Variants in ASTN1 observed in about 807,000 individuals in gnomAD.
The protein encoded by ASTN1 is astrotactin 1, also known as astrotactin-1.
In ASTN1, 41 loss-of-function variants were observed where a neutral mutation model predicts 140.7. That is an observed-to-expected ratio of 0.29 (90% CI 0.23 to 0.38). The LOEUF (loss-of-function observed/expected upper bound fraction) is 0.38. Ranked by LOEUF, ASTN1 falls within the 10% of genes least tolerant of loss-of-function variation. ASTN1 has a pLI of 1.00. For synonymous variants in ASTN1, 640 were observed against 652.2 expected (o/e 0.98, Z 0.29); for missense variants, 1,479 against 1,678.8 (o/e 0.88, Z 2.08).
chr1:177,077,156 T>A (rs1448455824), intron 1 of ASTN1, among the ~76,000 whole-genome samples: 1 of 152,092 alleles, frequency 6.6e-6, no homozygotes, highest in African/African-American at 2.4e-5. Flanking sequence ...TCACTTCTGC[T>A]GGGGGTGAAA....
intron 5 of ASTN1, 64 bp downstream of exon 5, chr1:177,029,570 G>T (rs189475004): frequency 2.6e-6 from 4 of 1,519,126 alleles, no homozygotes; most frequent in Non-Finnish European, 3.6e-6. Flanking sequence ...ACACCTCTTC[G>T]CCTTCCCCCG....
At chr1:176,979,927 G>T (rs1175583164) in intron 8 of ASTN1, among the ~76,000 whole-genome samples, 4 of 152,162 alleles carry the variant, frequency 2.6e-5, no homozygotes, top group Non-Finnish European at 5.9e-5. Context: ...TATAACACCA[G>T]CATCAACAAT....
intron 1 of ASTN1, among the ~76,000 whole-genome samples, chr1:177,094,852 G>A (rs1679951556): frequency 6.6e-6 from 1 of 152,180 alleles, no homozygotes; most frequent in Non-Finnish European, 1.5e-5. Flanking sequence ...CAGAAGAGGT[G>A]AGTGGTACAG....
At chr1:177,025,128 T>G (rs1676042451) in intron 5 of ASTN1, among the ~76,000 whole-genome samples, 2 of 152,230 alleles carry the variant, frequency 1.3e-5, no homozygotes, top group Admixed American at 1.3e-4. Context: ...ACAGAGGGCA[T>G]TCTGCACAGA....
chr1:177,088,819 C>T (rs907164294), intron 1 of ASTN1, among the ~76,000 whole-genome samples: 1 of 152,144 alleles, frequency 6.6e-6, no homozygotes, highest in African/African-American at 2.4e-5. Context: ...TATGCAAACA[C>T]ATATGGAGTT....
At chr1:176,962,164 A>G (rs753275708) in intron 9 of ASTN1, among the ~76,000 whole-genome samples, 3 of 152,196 alleles carry the variant, frequency 2.0e-5, no homozygotes, top group African/African-American at 4.8e-5. Flanking sequence ...TGTGGGATCA[A>G]TTTGGTCTGT....
chr1:176,971,387 A>T (rs549091742), intron 8 of ASTN1, among the ~76,000 whole-genome samples: 1 of 152,294 alleles, frequency 6.6e-6, no homozygotes, highest in Admixed American at 6.5e-5. Flanking sequence ...TTATCTGGTA[A>T]ACCTGTGGCT....
At chr1:177,157,887 C>G (rs1215627561) in intron 1 of ASTN1, among the ~76,000 whole-genome samples, 1 of 151,842 alleles carries the variant, frequency 6.6e-6, no homozygotes, top group African/African-American at 2.4e-5. Context: ...CTTATTTTCA[C>G]CTAACATTAC....
At chr1:176,929,119 G>T (rs544979750) in intron 16 of ASTN1, among the ~76,000 whole-genome samples, 1 of 152,336 alleles carries the variant, frequency 6.6e-6, no homozygotes, top group East Asian at 1.9e-4. Flanking sequence ...GGGTACTTGG[G>T]GTAGGTAGCA....
intron 8 of ASTN1, among the ~76,000 whole-genome samples, chr1:176,972,631 T>C (rs1291579458): frequency 6.6e-6 from 1 of 152,164 alleles, no homozygotes; most frequent in Non-Finnish European, 1.5e-5. Flanking sequence ...TCCAAAGTGC[T>C]GGGATTACAG....
At chr1:176,916,374 C>T (rs1178052189) in intron 16 of ASTN1, among the ~76,000 whole-genome samples, 1 of 152,154 alleles carries the variant, frequency 6.6e-6, no homozygotes, top group Non-Finnish European at 1.5e-5. Flanking sequence ...ATGTCAGCAT[C>T]CAGAAACAAA....
chr1:176,979,656 G>T lies in ASTN1; in HGVS notation c.1524-14419C>A, dbSNP rs551697966. Among the ~76,000 whole-genome samples the T allele has an allele frequency of 1.1e-4, 16 of 152,236 alleles. No homozygotes were observed. The East Asian group carries it at 3.1e-3, about 29-fold the overall frequency. On this transcript the variant is annotated intron_variant, in intron 8 of 22. Coordinates refer to ENST00000361833, the MANE Select transcript of ASTN1 (RefSeq NM_004319.3). ...CTTGTCACTGTATTAGCAGCATGCGGCAGAGTTCAAAACACAGCAAAGCCC... is the reference window on the plus strand; with the variant it reads ...CTTGTCACTGTATTAGCAGCATGCGTCAGAGTTCAAAACACAGCAAAGCCC...
intron 4 of ASTN1, among the ~76,000 whole-genome samples, chr1:177,030,335 G>A (rs1183091363): frequency 6.6e-6 from 1 of 152,104 alleles, no homozygotes; most frequent in Non-Finnish European, 1.5e-5. Flanking sequence ...ATGACATTAT[G>A]CTGTATCTTC....
chr1:176,959,444 C>A (rs1337542491), intron 9 of ASTN1, among the ~76,000 whole-genome samples: 1 of 152,092 alleles, frequency 6.6e-6, no homozygotes. Context: ...TTTCTCTTCC[C>A]ATACACAACC....
chr1:177,045,002 CT>C (rs886647335), intron 2 of ASTN1, among the ~76,000 whole-genome samples: 1 of 151,316 alleles, frequency 6.6e-6, no homozygotes, highest in South Asian at 2.1e-4. Context: ...GGTAATAGGT[CT>C]TTTTTTTTCT....
At chr1:177,102,214 A>T (rs948582935) in intron 1 of ASTN1, among the ~76,000 whole-genome samples, 2 of 152,188 alleles carry the variant, frequency 1.3e-5, no homozygotes, top group South Asian at 4.1e-4. Flanking sequence ...AAGGGGAGGG[A>T]GGAAGGGGAA....
intron 2 of ASTN1, among the ~76,000 whole-genome samples, chr1:177,042,788 T>A (rs947963122): frequency 1.3e-5 from 2 of 152,336 alleles, no homozygotes; most frequent in Admixed American, 1.3e-4. Flanking sequence ...CCGTGTCACA[T>A]AGAAAGAAGC....
chr1:177,134,208 A>T (rs1191448606), intron 1 of ASTN1, among the ~76,000 whole-genome samples: 1 of 152,228 alleles, frequency 6.6e-6, no homozygotes, highest in Non-Finnish European at 1.5e-5. Flanking sequence ...ATGTCATTGC[A>T]TCAACACTAA....
At chr1:177,036,132 C>A (rs886483878) in intron 2 of ASTN1, among the ~76,000 whole-genome samples, 2 of 145,750 alleles carry the variant, frequency 1.4e-5, no homozygotes, top group Non-Finnish European at 3.0e-5. Flanking sequence ...CTCACTGCAA[C>A]CTCCACCTCC....
Sources: allele counts gnomAD v4.1 joint callset (sites outside exome capture counted in the v4.1 genomes callset), GRCh38; gene constraint gnomAD v4.1.1; transcripts MANE v1.5; gene names NCBI Gene and HGNC (gene_info 2026-07-23, HGNC 2026-07-21).